The following TNNI3K variants were observed in gnomAD, a reference collection of about 807,000 sequenced individuals.
TNNI3K encodes TNNI3 interacting kinase.
A neutral mutation model predicts 114.5 loss-of-function variants in TNNI3K; 140 were observed. That is an observed-to-expected ratio of 1.22 (90% confidence interval 1.07 to 1.41). The LOEUF (loss-of-function observed/expected upper bound fraction) is 1.41. TNNI3K is among the 40% of genes most tolerant of loss of function. The probability of loss-of-function intolerance (pLI) is 0.00; values close to 1 mark genes in which losing one functional copy is unlikely to be tolerated. For synonymous variants in TNNI3K, 347 were observed against 347.5 expected (o/e 1.00, Z 0.02); for missense variants, 1,125 against 1,007.6 (o/e 1.12, Z -1.58).
intron 20 of TNNI3K, among the ~76,000 whole-genome samples, chr1:74,449,549 G>C (rs980011118): frequency 1.3e-5 from 2 of 151,934 alleles, no homozygotes; most frequent in African/African-American, 2.4e-5. Context: ...AAAATAAAAG[G>C]ATGGAGGAAG....
At chr1:74,491,459 G>A (rs1386059775) in intron 22 of TNNI3K, among the ~76,000 whole-genome samples, 1 of 152,082 alleles carries the variant, frequency 6.6e-6, no homozygotes, top group Non-Finnish European at 1.5e-5. Flanking sequence ...CCAGGATGGT[G>A]TCGATCTCTT....
intron 16 of TNNI3K, 55 bp downstream of exon 16, chr1:74,369,640 C>CA: frequency 6.6e-7 from 1 of 1,506,638 alleles, no homozygotes; most frequent in Non-Finnish European, 8.9e-7. Context: ...ACTACTCTTG[C>CA]AATACTTCAG....
intron 11 of TNNI3K, among the ~76,000 whole-genome samples, chr1:74,359,059 A>G (rs1323480870): frequency 6.6e-6 from 1 of 151,996 alleles, no homozygotes; most frequent in East Asian, 1.9e-4. Flanking sequence ...TGTTGAGTAG[A>G]GAGGCAGTAC....
At chr1:74,317,067 A>C (rs896431021) in intron 5 of TNNI3K, among the ~76,000 whole-genome samples, 1 of 151,956 alleles carries the variant, frequency 6.6e-6, no homozygotes, top group Non-Finnish European at 1.5e-5. Context: ...CCTTTTCTTT[A>C]CTGCCTGTCT....
chr1:74,457,453 G>A (rs985520464), intron 20 of TNNI3K, among the ~76,000 whole-genome samples: 11 of 152,230 alleles, frequency 7.2e-5, no homozygotes, highest in African/African-American at 2.2e-4. Context: ...CTGGTGATAC[G>A]TCATTGAAAA....
At chr1:74,486,201 AAGAGAGAGAG>A (rs58506314) in intron 21 of TNNI3K, among the ~76,000 whole-genome samples, 6 of 136,516 alleles carry the variant, frequency 4.4e-5, no homozygotes, top group African/African-American at 1.3e-4. Context: ...AAATGCTATA[AAGAGAGAGAG>A]AGAGAGAGAG....
chr1:74,504,885 C>A (rs1306695895), intron 23 of TNNI3K, among the ~76,000 whole-genome samples: 1 of 152,154 alleles, frequency 6.6e-6, no homozygotes, highest in Non-Finnish European at 1.5e-5. Flanking sequence ...CCTCTTCAAG[C>A]GTTTTGTAAT....
chr1:74,280,763 G>A (rs932178456), intron 5 of TNNI3K, among the ~76,000 whole-genome samples: 2 of 152,206 alleles, frequency 1.3e-5, no homozygotes, highest in Admixed American at 6.5e-5. Flanking sequence ...AGGGACTACA[G>A]TACTTGGGCA....
chr1:74,330,232 G>T, intron 5 of TNNI3K, among the ~76,000 whole-genome samples: 1 of 152,020 alleles, frequency 6.6e-6, no homozygotes, highest in African/African-American at 2.4e-5. Context: ...AAAAGAAACA[G>T]ATATAGGAAC....
At chr1:74,508,264 A>G (rs1055179170) in intron 23 of TNNI3K, among the ~76,000 whole-genome samples, 2 of 152,264 alleles carry the variant, frequency 1.3e-5, no homozygotes, top group African/African-American at 4.8e-5. Context: ...GTACCCTAGA[A>G]CTTAAAGTAT....
At position 74,367,952 on chromosome 1, in the gene TNNI3K, A is replaced by G. The variant is rs2100516564; in HGVS notation, c.1309A>G (p.Ser437Gly). The G allele has an allele frequency of 6.4e-7, 1 of 1,568,288 alleles. No individual in the cohort carries two copies. The highest frequency in any genetic ancestry group is 1.2e-5 in the South Asian group (1 of 81,462). ...TCCATCACCCTTGGGGAAGATTAAA[A>G]GCATGACAAAAGGTACCTATAATCT... is the stretch of plus-strand genomic sequence containing the variant. ...SVPSPLGKIK[S>G]MTKEKADILL... is the part of the protein sequence containing the mutation. Residue 437 changes from serine (S) to glycine (G), a missense_variant, in exon 13 of 25, where the codon AGC (serine) becomes GGC (glycine). Coordinates refer to ENST00000326637, the MANE Select transcript of TNNI3K (RefSeq NM_015978.3).
intron 17 of TNNI3K, among the ~76,000 whole-genome samples, chr1:74,433,573 A>T (rs1358403063): frequency 6.6e-6 from 1 of 152,128 alleles, no homozygotes; most frequent in African/African-American, 2.4e-5. Flanking sequence ...AGTTGCTCTC[A>T]TTCTGCAAAG....
intron 22 of TNNI3K, among the ~76,000 whole-genome samples, chr1:74,489,884 G>A (rs1444590831): frequency 6.6e-6 from 1 of 151,892 alleles, no homozygotes; most frequent in Non-Finnish European, 1.5e-5. Context: ...ATTCTCAAAT[G>A]GAAATAAGTG....
chr1:74,250,647 G>A, intron 3 of TNNI3K, 25 bp from the exon 4 acceptor site: 1 of 1,605,312 alleles, frequency 6.2e-7, no homozygotes, highest in Non-Finnish European at 8.5e-7. Context: ...CAATGATTTA[G>A]CCTTTTTTCA....
chr1:74,406,518 C>A (rs1279820668), intron 17 of TNNI3K, among the ~76,000 whole-genome samples: 6 of 152,132 alleles, frequency 3.9e-5, no homozygotes, highest in Non-Finnish European at 5.9e-5. Flanking sequence ...CACTTTAAAT[C>A]TCCCTAACAT....
intron 5 of TNNI3K, among the ~76,000 whole-genome samples, chr1:74,312,889 T>TATCTTTGCCCCAATTTTTAA (rs1553130206): frequency 1.3e-5 from 2 of 152,216 alleles, no homozygotes; most frequent in African/African-American, 4.8e-5. Context: ...TTGCCCCTGT[T>TATCTTTGCCCCAATTTTTAA]ATCTTTGCCC....
chr1:74,313,359 A>G (rs1178885191), intron 5 of TNNI3K, among the ~76,000 whole-genome samples: 2 of 152,160 alleles, frequency 1.3e-5, no homozygotes, highest in Admixed American at 1.3e-4. Flanking sequence ...TGTGCTTGGC[A>G]CAGAGCAGGC....
Position 74,397,198 on chromosome 1 carries a change from T to A in TNNI3K, c.1772+26806T>A, listed in dbSNP as rs1389503404. Among the ~76,000 whole-genome samples, 12 of 86,140 alleles carry A rather than the reference T, an allele frequency of 1.4e-4. No homozygotes were observed. In the East Asian group the frequency reaches 6.9e-3, roughly 50 times the overall value. 56.5% of individuals were successfully genotyped at this position (86,140 alleles called of 152,430 possible). ...AGTATGAGGGAGAAAGGAAACATGA[T>A]GACAGAGAGAGAGACAGAAGAAGAA... On this transcript the variant is annotated intron_variant, in intron 17 of 24. Coordinates refer to ENST00000326637, the MANE Select transcript of TNNI3K (RefSeq NM_015978.3).
chr1:74,358,482 C>T (rs555584853), intron 11 of TNNI3K, among the ~76,000 whole-genome samples: 1 of 152,038 alleles, frequency 6.6e-6, no homozygotes, highest in African/African-American at 2.4e-5. Flanking sequence ...TGAGTTTCTA[C>T]AGTTTTTAGA....
Sources: gnomAD v4.1 joint callset for allele counts (sites outside exome capture counted in the v4.1 genomes callset) on GRCh38, gnomAD v4.1.1 for gene constraint, MANE v1.5 for transcripts, NCBI Gene and HGNC (gene_info 2026-07-23, HGNC 2026-07-21) for gene names.